ERG: variants seen among roughly 807,000 people sequenced by gnomAD.
ERG encodes the protein transcriptional regulator ERG.
In ERG, 9 loss-of-function variants were observed where a neutral mutation model predicts 55.3. The ratio of observed to expected loss-of-function variants is 0.16; its 90% CI spans 0.10 to 0.28. ERG has a LOEUF of 0.28. ERG is among the 10% of genes least tolerant of loss of function. The pLI is 1.00. For missense variants in ERG, 434 were observed against 631.6 expected, an observed-to-expected ratio of 0.69 and a Z score of 3.35; for synonymous variants, 223 against 237.3, an observed-to-expected ratio of 0.94 and a Z score of 0.55.
intron 2 of ERG, among the ~76,000 whole-genome samples, chr21:38,535,211 T>C (rs190530297): frequency 7.7e-4 from 117 of 152,254 alleles, no homozygotes; most frequent in Middle Eastern, 3.4e-3. Flanking sequence ...ATTCTACTTA[T>C]GTGAGGTACC....
chr21:38,648,444 C>T (rs2060469927), intron 1 of ERG, among the ~76,000 whole-genome samples: 1 of 152,194 alleles, frequency 6.6e-6, no homozygotes, highest in East Asian at 1.9e-4. Context: ...AACTTTGCAA[C>T]AATCTGAAAG....
chr21:38,436,028 T>TC (rs973786977), intron 2 of ERG, among the ~76,000 whole-genome samples: 12 of 150,566 alleles, frequency 8.0e-5, no homozygotes, highest in African/African-American at 2.7e-4. Context: ...TTCTTTTTTT[T>TC]TTTTTTTTGA....
intron 1 of ERG, among the ~76,000 whole-genome samples, chr21:38,651,155 T>C (rs1176304453): frequency 6.6e-6 from 1 of 152,238 alleles, no homozygotes; most frequent in Non-Finnish European, 1.5e-5. Context: ...TTTAAAAGCA[T>C]GAAGTGACTC....
intron 2 of ERG, among the ~76,000 whole-genome samples, chr21:38,563,381 C>A (rs907981065): frequency 6.6e-6 from 1 of 152,184 alleles, no homozygotes; most frequent in Non-Finnish European, 1.5e-5. Flanking sequence ...GTGGTGGAAG[C>A]TATGTATGTA....
chr21:38,440,780 A>C (rs2058833751), intron 2 of ERG, among the ~76,000 whole-genome samples: 1 of 119,432 alleles, frequency 8.4e-6, no homozygotes, highest in South Asian at 3.1e-4. Flanking sequence ...CAAGAGCAAA[A>C]CTGTCTCAAA....
intron 9 of ERG, among the ~76,000 whole-genome samples, chr21:38,388,607 C>A (rs183358054): frequency 3.3e-5 from 5 of 152,268 alleles, no homozygotes; most frequent in African/African-American, 1.2e-4. Flanking sequence ...ACAACAGACA[C>A]AAACCTAAAG....
intron 2 of ERG, among the ~76,000 whole-genome samples, chr21:38,556,994 G>T (rs1363761470): frequency 3.3e-5 from 5 of 152,132 alleles, no homozygotes; most frequent in Admixed American, 3.3e-4. Context: ...GAGAACTCAG[G>T]CTTCCACTAG....
chr21:38,657,224 A>C (rs2060524763), intron 1 of ERG, among the ~76,000 whole-genome samples: 1 of 152,208 alleles, frequency 6.6e-6, no homozygotes. Context: ...AGAGTCACAT[A>C]ATGAAACTTC....
rs766413383 is a variant in ERG at position 38,421,874 on chromosome 21, C to T, written c.388+1536G>A. 1.1e-4 allele frequency among the ~76,000 whole-genome samples: 17 copies of T among 152,180 alleles called. 1 individual carries two copies. The highest frequency in any genetic ancestry group is 1.0e-3 in the South Asian group (5 of 4,814). On this transcript the variant is annotated intron_variant, in intron 3 of 9. Transcript: ENST00000288319. ...TTTTTTTATTTTTATTATTTTGAGA[C>T]GGAGTCTTGCTCTTGTCGCCCAGGC... is the stretch of plus-strand genomic sequence containing the variant.
At chr21:38,415,760 C>G (rs1236935635) in intron 3 of ERG, among the ~76,000 whole-genome samples, 1 of 152,114 alleles carries the variant, frequency 6.6e-6, no homozygotes, top group Non-Finnish European at 1.5e-5. Flanking sequence ...GAAGACTGAA[C>G]TTAGACCACC....
chr21:38,589,744 G>A (rs1284024763), upstream of ERG, among the ~76,000 whole-genome samples: 1 of 152,204 alleles, frequency 6.6e-6, no homozygotes, highest in East Asian at 1.9e-4. Context: ...CTGGGGGAAA[G>A]GAGGGAAGTC....
intron 1 of ERG, among the ~76,000 whole-genome samples, chr21:38,597,956 T>C (rs1050094690): frequency 6.6e-6 from 1 of 152,178 alleles, no homozygotes; most frequent in African/African-American, 2.4e-5. Context: ...TGAGAGTTCG[T>C]TAATAAGCAC....
rs1229735740 is a variant in ERG at position 38,621,436 on chromosome 21, TG to T, written c.-149-36492del. Among the ~76,000 whole-genome samples, 14 of 152,176 alleles carry T rather than the reference TG, an allele frequency of 9.2e-5. No individual in the cohort carries two copies. The East Asian group carries it at 2.7e-3, about 29-fold the overall frequency. The stretch of plus-strand genomic sequence containing the variant: ...TGAAGAGGAATCATGCATTTCTGCT[TG>T]CCCCTTGCCATCTCCCCGCTGCCAT... On this transcript the variant is annotated intron_variant, in intron 1 of 10. Coordinates refer to the ERG transcript ENST00000398910.
rs556619697 is a variant in ERG, at chr21:38,659,525, A to G, written c.-150+2133T>C. Among the ~76,000 whole-genome samples, 3 of 152,362 alleles carry G rather than the reference A, an allele frequency of 2.0e-5. No individual in the cohort carries two copies. In the East Asian group the frequency reaches 5.8e-4, roughly 29 times the overall value. Reference sequence around the variant, plus strand: ...AAACTACTTGGAGAGAATGGAAAACAGTCAAAAATAGTCCCAAAGGTAAAT... The same window carrying G: ...AAACTACTTGGAGAGAATGGAAAACGGTCAAAAATAGTCCCAAAGGTAAAT... On this transcript the variant is annotated intron_variant, in intron 1 of 10. Coordinates refer to the ERG transcript ENST00000398910.
At chr21:38,367,532 C>A in the ERG span, 1 of 455,852 alleles carries the variant, frequency 2.2e-6, no homozygotes, top group Non-Finnish European at 4.2e-6. Flanking sequence ...AGTCTCTTCC[C>A]CCAGAATAAG....
intron 9 of ERG, among the ~76,000 whole-genome samples, chr21:38,387,508 G>A (rs1488622211): frequency 6.6e-6 from 1 of 152,166 alleles, no homozygotes; most frequent in Non-Finnish European, 1.5e-5. Flanking sequence ...AACTCTCGCA[G>A]CTCTCTCTGC....
At chr21:38,532,918 G>A (rs1299866144) in intron 2 of ERG, among the ~76,000 whole-genome samples, 2 of 152,160 alleles carry the variant, frequency 1.3e-5, no homozygotes, top group Admixed American at 6.5e-5. Flanking sequence ...GTTCTCAACC[G>A]ATTTTAGAGA....
chr21:38,402,456 C>T, intron 5 of ERG, 101 bp downstream of exon 5: 1 of 807,324 alleles, frequency 1.2e-6, no homozygotes, highest in East Asian at 2.6e-5. Context: ...TACCTGCGTT[C>T]TGTCTTCCTG....
intron 3 of ERG, among the ~76,000 whole-genome samples, chr21:38,409,695 T>A (rs534170615): frequency 8.8e-4 from 134 of 152,174 alleles, no homozygotes; most frequent in African/African-American, 2.9e-3. Flanking sequence ...ATGAAATATC[T>A]GACATGTTTA....
Sources: gnomAD v4.1 joint callset for allele counts (sites outside exome capture counted in the v4.1 genomes callset) on GRCh38, gnomAD v4.1.1 for gene constraint, MANE v1.5 for transcripts, NCBI Gene and HGNC (gene_info 2026-07-23, HGNC 2026-07-21) for gene names.